GSTA3: variants seen among roughly 807,000 people sequenced by gnomAD.
GSTA3 encodes glutathione S-transferase alpha 3.
A neutral mutation model predicts 23.1 loss-of-function variants in GSTA3; 16 were observed. The observed-to-expected ratio is 0.69, with a 90% CI of 0.47 to 1.05. The LOEUF is 1.05. Ranked by LOEUF, GSTA3 falls within the 50% of genes least tolerant of loss-of-function variation. GSTA3 has a pLI of 0.00. For synonymous variants in GSTA3, 122 were observed against 91.0 expected (o/e 1.34, Z -1.94); for missense variants, 319 against 263.6 (o/e 1.21, Z -1.46).
rs532630415 is a variant in GSTA3 at position 52,897,129 on chromosome 6, T to C, written c.547-201A>G. ...GCTCACTTTATTTTCCGCAAAGATG[T>C]CTTAAAGTTTTAATCAATTCAGTCA... is the stretch of plus-strand genomic sequence containing the variant. On this transcript the variant is annotated intron_variant, in intron 6 of 6. Coordinates refer to ENST00000211122, the MANE Select transcript of GSTA3 (RefSeq NM_000847.5). Among the ~76,000 whole-genome samples the C allele has an allele frequency of 3.9e-5, 6 of 152,322 alleles. No individual in the cohort carries two copies. The South Asian group carries it at 1.0e-3, about 26-fold the overall frequency.
In GSTA3 at chr6:52,897,881, G is replaced by C; in HGVS notation, c.490C>G (p.Leu164Val). Residue 164 changes from leucine to valine, a missense_variant, in exon 6 of 7, where the codon CTC (leucine) becomes GTC (valine). Leu to Val is a conservative substitution (Grantham distance 32). Transcript: ENST00000211122. ...SRADISLVEL[L>V]YYVEELDSSL... Reference sequence around the variant, plus strand: ...GAGTCAAGCTCTTCCACATAGTAGAGAAGTTCCACCAGGCTAATGTCAGCC... The same window carrying C: ...GAGTCAAGCTCTTCCACATAGTAGACAAGTTCCACCAGGCTAATGTCAGCC... The C allele has an allele frequency of 6.2e-7, 1 of 1,614,014 alleles. No individual in the cohort carries two copies. The highest frequency in any genetic ancestry group is 1.1e-5 in the South Asian group (1 of 91,072).
rs1285087653 is a variant in GSTA3, at chr6:52,902,421, A to T, written c.197T>A (p.Val66Glu). 1 of 1,614,010 alleles carries T rather than the reference A, an allele frequency of 6.2e-7. No homozygotes were observed. The highest frequency in any genetic ancestry group is 8.5e-7 in the Non-Finnish European group (1 of 1,179,894). Residue 66 changes from valine (V) to glutamate (E), a missense_variant, in exon 4 of 7, where the codon GTA (valine) becomes GAA (glutamate). By Grantham distance (121) the Val-to-Glu change is moderately radical. Coordinates refer to ENST00000211122, the MANE Select transcript of GSTA3 (RefSeq NM_000847.5). ...PMVEIDGMKL[V>E]QTRAILNYIA... ...GTAGTTGAGAATGGCTCTGGTCTGT[A>T]CCAACTTCATCCCATCAATCTCAAC...
intron 6 of GSTA3, 115 bp downstream of exon 6, chr6:52,897,710 T>A (rs1765504279): frequency 8.9e-7 from 1 of 1,129,688 alleles, no homozygotes; most frequent in Admixed American, 1.8e-5. Context: ...GACCTGGGGG[T>A]ACTGAAGGCC....
intron 5 of GSTA3, among the ~76,000 whole-genome samples, chr6:52,898,889 C>T (rs980078014): frequency 7.2e-5 from 11 of 152,114 alleles, no homozygotes; most frequent in East Asian, 1.9e-4. Flanking sequence ...GTGTCGTTCC[C>T]CTATTGGCTA....
chr6:52,902,809 T>C (rs1175022174), intron 3 of GSTA3, among the ~76,000 whole-genome samples: 1 of 152,196 alleles, frequency 6.6e-6, no homozygotes, highest in Non-Finnish European at 1.5e-5. Flanking sequence ...CAGAGAGATG[T>C]CACTTAAAAT....
rs149910347 is a variant in GSTA3 at position 52,896,870 on chromosome 6, C to A, written c.605G>T (p.Ser202Ile). ...TGCATCTGCGGGAGGCTTCCTTGGG[C>A]TGCCAGGCTGTAGAAACTTCTTCAC... is the stretch of plus-strand genomic sequence containing the variant. The part of the protein sequence containing the change: ...PTVKKFLQPG[S>I]PRKPPADAKA... The change falls in exon 7 of 7, where the codon AGC becomes ATC. Residue 202 changes from serine to isoleucine, a missense_variant. Coordinates refer to ENST00000211122, the MANE Select transcript of GSTA3 (RefSeq NM_000847.5). 1 of 1,614,110 alleles carries A rather than the reference C, an allele frequency of 6.2e-7. No individual in the cohort carries two copies. Among genetic ancestry groups the A allele is most frequent in the Non-Finnish European group, 8.5e-7 (1 of 1,179,972 alleles).
At position 52,896,646 on chromosome 6, in the gene GSTA3, TAAGTTAGCA is replaced by T. The variant is rs1286831287; in HGVS notation, c.*151_*159del. On this transcript the variant is annotated 3_prime_UTR_variant, in exon 7 of 7. Transcript: ENST00000211122. Reference sequence around the variant, plus strand: ...CTAATGAAAAGGCTTAAATTTTAACTAAGTTAGCAAATAGGAGTTTTTATTATTTAATTA... The same window carrying T: ...CTAATGAAAAGGCTTAAATTTTAACTAATAGGAGTTTTTATTATTTAATTA... 1.3e-6 allele frequency: 1 copy of T among 745,630 alleles called. No homozygotes were observed. The highest frequency in any genetic ancestry group is 1.8e-5 in the African/African-American group (1 of 56,394). 46.2% of individuals were successfully genotyped at this position (745,630 alleles called of 1,614,324 possible).
chr6:52,897,739 G>T, intron 6 of GSTA3, 86 bp downstream of exon 6: 1 of 1,505,398 alleles, frequency 6.6e-7, no homozygotes, highest in Non-Finnish European at 9.2e-7. Flanking sequence ...GCTGGGGTCA[G>T]AACATGGCCA....
chr6:52,902,574 T>C (rs1338756964), intron 3 of GSTA3, 96 bp from the exon 4 acceptor site: 17 of 1,285,394 alleles, frequency 1.3e-5, no homozygotes, highest in Non-Finnish European at 1.7e-5. Flanking sequence ...GGTTATAAAA[T>C]GAAAAAGAAA....
chr6:52,905,662 A>G, intron 2 of GSTA3, 86 bp downstream of exon 2: 1 of 734,148 alleles, frequency 1.4e-6, no homozygotes, highest in Non-Finnish European at 2.3e-6. Flanking sequence ...TTCACAGGTC[A>G]TCTAGTATGG....
intron 3 of GSTA3, among the ~76,000 whole-genome samples, chr6:52,903,390 A>T (rs979199700): frequency 9.3e-5 from 14 of 150,284 alleles, no homozygotes; most frequent in Non-Finnish European, 1.6e-4. Flanking sequence ...GATCGAGACC[A>T]TCCTGGCTAA....
chr6:52,900,563 C>T (rs773111919), intron 4 of GSTA3, among the ~76,000 whole-genome samples: 8 of 152,086 alleles, frequency 5.3e-5, no homozygotes, highest in Non-Finnish European at 1.2e-4. Flanking sequence ...TGCCTGGCTG[C>T]CTTTTATTTC....
rs1035487497 is a variant in GSTA3, at chr6:52,897,050, T to C, written c.547-122A>G. 6 of 1,392,790 alleles carry C rather than the reference T, an allele frequency of 4.3e-6. No homozygotes were observed. In the East Asian group the frequency reaches 6.9e-5, roughly 16 times the overall value. 86.3% of individuals were successfully genotyped at this position (1,392,790 alleles called of 1,614,324 possible). A position where few individuals can be genotyped will look rare whatever the true frequency, so the allele number is the denominator to read the frequency against. On this transcript the variant is annotated intron_variant, in intron 6 of 6. Coordinates refer to ENST00000211122, the MANE Select transcript of GSTA3 (RefSeq NM_000847.5). ...TGAGTCCCCTCCATCAGCACCAGCA[T>C]GGAGGCAGAAACAGACACCCAGTGA...
At chr6:52,901,592 G>T (rs150654428) in intron 4 of GSTA3, among the ~76,000 whole-genome samples, 1 of 152,144 alleles carries the variant, frequency 6.6e-6, no homozygotes, top group Admixed American at 6.5e-5. Flanking sequence ...TGCACTGTAC[G>T]TTTATGTACA....
chr6:52,897,750 G>T, intron 6 of GSTA3, 75 bp downstream of exon 6: 1 of 1,558,774 alleles, frequency 6.4e-7, no homozygotes, highest in Non-Finnish European at 8.8e-7. Flanking sequence ...AACATGGCCA[G>T]TCCAAGGGCC....
At chr6:52,902,171 T>G (rs1765707958) in intron 4 of GSTA3, among the ~76,000 whole-genome samples, 175 bp downstream of exon 4, 1 of 152,158 alleles carries the variant, frequency 6.6e-6, no homozygotes, top group Non-Finnish European at 1.5e-5. Flanking sequence ...TGAACCCTCC[T>G]CACGTTCACT....
intron 5 of GSTA3, among the ~76,000 whole-genome samples, chr6:52,898,797 C>G (rs969666763): frequency 6.6e-6 from 1 of 152,162 alleles, no homozygotes; most frequent in Non-Finnish European, 1.5e-5. Flanking sequence ...CAACGGTGAG[C>G]GCACACTTGG....
At chr6:52,900,545 A>G (rs565895166) in intron 4 of GSTA3, among the ~76,000 whole-genome samples, 1 of 152,280 alleles carries the variant, frequency 6.6e-6, no homozygotes, top group South Asian at 2.1e-4. Flanking sequence ...TATAGGGGTG[A>G]GCCACCATGC....
At position 52,903,661 on chromosome 6, in the gene GSTA3, G is replaced by A. The variant is rs1765778338; in HGVS notation, c.139+15C>T. 1 of 1,436,620 alleles carries A rather than the reference G, an allele frequency of 7.0e-7. No individual in the cohort carries two copies. The highest frequency in any genetic ancestry group is 1.4e-5 in the African/African-American group (1 of 70,954). 89.0% of individuals were successfully genotyped at this position (1,436,620 alleles called of 1,614,324 possible). Reference sequence around the variant, plus strand: ...TAGATACCCTCATCAGAGGCACTTAGAGACTTGATCTTACCATTTCTTAAC... The same window carrying A: ...TAGATACCCTCATCAGAGGCACTTAAAGACTTGATCTTACCATTTCTTAAC... On this transcript the variant is annotated intron_variant, in intron 3 of 6. Transcript: ENST00000211122.
Sources: allele counts gnomAD v4.1 joint callset (sites outside exome capture counted in the v4.1 genomes callset), GRCh38; gene constraint gnomAD v4.1.1; transcripts MANE v1.5; gene names NCBI Gene and HGNC (gene_info 2026-07-23, HGNC 2026-07-21).